Variants in NBEAL2 observed in about 807,000 individuals in gnomAD.
NBEAL2 encodes the protein neurobeachin-like protein 2.
In NBEAL2, 160 loss-of-function variants were observed where a neutral mutation model predicts 299.8. The ratio of observed to expected loss-of-function variants is 0.53; its 90% CI spans 0.47 to 0.61. NBEAL2 has a LOEUF of 0.61. Among genes scored for constraint, NBEAL2 ranks in the 20% least tolerant of loss-of-function variants. The pLI is 0.00. For synonymous variants in NBEAL2, 1,493 were observed against 1,542.3 expected, an observed-to-expected ratio of 0.97 and a Z score of 0.75; for missense variants, 3,112 against 3,649.0, an observed-to-expected ratio of 0.85 and a Z score of 3.79.
Position 47,005,098 on chromosome 3 carries a change from T to C in NBEAL2, c.6419+2T>C. ...GCATGCCCAGCTCGTGAGGGAGAAG[T>C]GAGCATGTGGGCAGGGCTGGGCTCA... On this transcript the variant is annotated splice_donor_variant, in intron 39 of 53. Transcript: ENST00000450053. LOFTEE classifies it high-confidence loss of function. 6.2e-7 allele frequency: 1 copy of C among 1,613,752 alleles called. No individual in the cohort carries two copies. Among genetic ancestry groups the C allele is most frequent in the Non-Finnish European group, 8.5e-7 (1 of 1,179,854 alleles).
chr3:47,006,767 G>T (rs552666014), intron 45 of NBEAL2, among the ~76,000 whole-genome samples: 1 of 152,064 alleles, frequency 6.6e-6, no homozygotes, highest in South Asian at 2.1e-4. Flanking sequence ...TTTTTTTTTA[G>T]GTTTCCCTCT....
chr3:46,979,840 A>G lies in NBEAL2; in HGVS notation c.-22A>G. The G allele has an allele frequency of 2.3e-6, 1 of 430,158 alleles. No homozygotes were observed. 26.6% of individuals were successfully genotyped at this position (430,158 alleles called of 1,614,324 possible). ...GAGGCGGCGACAGGTGGCGCGCAGC[A>G]GGGCCGGAGCCGGGCCGGGCCATGG... is the stretch of plus-strand genomic sequence containing the variant. On this transcript the variant is annotated 5_prime_UTR_variant, in exon 1 of 54. Coordinates refer to ENST00000450053, the MANE Select transcript of NBEAL2 (RefSeq NM_015175.3).
rs1211266954 is a variant in NBEAL2, at chr3:46,988,012, G to GC, written c.52-655dup. ...TTCACACCAAAGTTTTCCTGGCAGC[G>GC]CCTAGACCTGGGCTTAGCCACTGCC... On this transcript the variant is annotated intron_variant, in intron 1 of 53. Coordinates refer to ENST00000450053, the MANE Select transcript of NBEAL2 (RefSeq NM_015175.3). This position sits in a 1 kb window ranked among gnomAD's most constrained non-coding sequence, Gnocchi z 4.4. The GC allele has an allele frequency of 5.5e-6, 7 of 1,277,736 alleles. No individual in the cohort carries two copies. Among genetic ancestry groups the GC allele is most frequent in the Non-Finnish European group, 7.1e-6 (7 of 983,064 alleles). 79.1% of individuals were successfully genotyped at this position (1,277,736 alleles called of 1,614,324 possible). A position where few individuals can be genotyped will look rare whatever the true frequency, so the allele number is the denominator to read the frequency against.
intron 1 of NBEAL2, among the ~76,000 whole-genome samples, chr3:46,980,598 G>A: frequency 6.6e-6 from 1 of 151,974 alleles, no homozygotes; most frequent in South Asian, 2.1e-4. Flanking sequence ...GGGTCCTTGA[G>A]GCCCTGAGGG....
In NBEAL2 at chr3:47,009,481, G is replaced by T; in HGVS notation, c.*161G>T. 1 of 718,182 alleles carries T rather than the reference G, an allele frequency of 1.4e-6. No individual in the cohort carries two copies. Among genetic ancestry groups the T allele is most frequent in the Non-Finnish European group, 2.3e-6 (1 of 436,274 alleles). The allele number at this position is 718,182 out of a possible 1,614,324, so 44.5% of individuals were successfully genotyped here. A position where few individuals can be genotyped will look rare whatever the true frequency, so the allele number is the denominator to read the frequency against. On this transcript the variant is annotated 3_prime_UTR_variant, in exon 54 of 54. Transcript: ENST00000450053. The stretch of plus-strand genomic sequence containing the variant: ...TTGGCGGGCGATGTTACCCCCTCAG[G>T]GATTGGCGGGCGGAAGTCCCGCCCC...
At chr3:47,007,767 G>A (rs746376857) in intron 48 of NBEAL2, 49 bp from the exon 49 acceptor site, 4 of 1,608,612 alleles carry the variant, frequency 2.5e-6, no homozygotes, top group East Asian at 4.5e-5. Flanking sequence ...GGCTGGCCAG[G>A]GCGGATGTGA....
At position 47,001,560 on chromosome 3, in the gene NBEAL2, C is replaced by T; in HGVS notation, c.4644+122C>T. 3.9e-6 allele frequency: 6 copies of T among 1,556,184 alleles called. No homozygotes were observed. The South Asian group carries it at 4.6e-5, about 12-fold the overall frequency. On this transcript the variant is annotated intron_variant, in intron 29 of 53. Coordinates refer to ENST00000450053, the MANE Select transcript of NBEAL2 (RefSeq NM_015175.3). This position sits in a 1 kb window ranked among gnomAD's most constrained non-coding sequence, Gnocchi z 6.1. ...GGTGTGGGTGCATCAGCATGAATGC[C>T]TGTGAGTGTGGACTTGCCTGTGTGC...
chr3:46,981,693 C>T (rs2035354962), intron 1 of NBEAL2, among the ~76,000 whole-genome samples: 1 of 152,130 alleles, frequency 6.6e-6, no homozygotes, highest in Admixed American at 6.5e-5. Context: ...GCTCTAGGTG[C>T]ATGGGCAGGT....
At position 46,989,182 on chromosome 3, in the gene NBEAL2, C is replaced by T. The variant is rs1223787054; in HGVS notation, c.351+16C>T. ...GGTGGCGGAGGTGAAGTGGCCTCTA[C>T]CTTGGGGGGCAGAGGGTGTATGCAG... is the stretch of plus-strand genomic sequence containing the variant. On this transcript the variant is annotated intron_variant, in intron 4 of 53. Coordinates refer to ENST00000450053, the MANE Select transcript of NBEAL2 (RefSeq NM_015175.3). This position sits in a 1 kb window ranked among gnomAD's most constrained non-coding sequence, Gnocchi z 5.5. 11 of 1,613,736 alleles carry T rather than the reference C, an allele frequency of 6.8e-6. No individual in the cohort carries two copies. Among genetic ancestry groups the T allele is most frequent in the South Asian group, 1.1e-5 (1 of 91,044 alleles).
At position 46,982,721 on chromosome 3, in the gene NBEAL2, GC is replaced by G. The variant is rs1322777944; in HGVS notation, c.51+2810del. ...TCACCCCAGAGGAGGCTGAGTTTGG[GC>G]TTTGAAGGCTGAGAGGAAGAAACAG... On this transcript the variant is annotated intron_variant, in intron 1 of 53. Coordinates refer to ENST00000450053, the MANE Select transcript of NBEAL2 (RefSeq NM_015175.3). This position sits in a 1 kb window ranked among gnomAD's most constrained non-coding sequence, Gnocchi z 4.2. Among the ~76,000 whole-genome samples the G allele has an allele frequency of 1.3e-5, 2 of 152,204 alleles. No individual in the cohort carries two copies. The highest frequency in any genetic ancestry group is 1.3e-4 in the Admixed American group (2 of 15,280).
In NBEAL2 at chr3:46,979,707, G is replaced by C; in HGVS notation, c.-155G>C. ...GAGCAGACTTGGGTGGCTCTGCGCC[G>C]CGGAGGCCACAGCCGCAGACTTCCC... On this transcript the variant is annotated 5_prime_UTR_variant, in exon 1 of 54. Transcript: ENST00000450053. The C allele has an allele frequency of 3.2e-6, 1 of 308,670 alleles. No individual in the cohort carries two copies. Among genetic ancestry groups the C allele is most frequent in the Non-Finnish European group, 6.0e-6 (1 of 167,804 alleles). 19.1% of individuals were successfully genotyped at this position (308,670 alleles called of 1,614,324 possible). A position where few individuals can be genotyped will look rare whatever the true frequency, so the allele number is the denominator to read the frequency against.
chr3:46,979,777 A>T lies in NBEAL2; in HGVS notation c.-85A>T, dbSNP rs1435605631. On this transcript the variant is annotated 5_prime_UTR_variant, in exon 1 of 54. The change abolishes an upstream ATG in the 5' untranslated region. Transcript: ENST00000450053. Reference sequence around the variant, plus strand: ...CGCCCCGGAGTGACGCCCTCCGCCCATGGGCCTGGCCGAGGGCAACCGGCG... The same window carrying T: ...CGCCCCGGAGTGACGCCCTCCGCCCTTGGGCCTGGCCGAGGGCAACCGGCG... 2.8e-6 allele frequency: 1 copy of T among 361,216 alleles called. No homozygotes were observed. Among genetic ancestry groups the T allele is most frequent in the South Asian group, 9.8e-5 (1 of 10,224 alleles). The allele number at this position is 361,216 out of a possible 1,614,324, so 22.4% of individuals were successfully genotyped here. A position where few individuals can be genotyped will look rare whatever the true frequency, so the allele number is the denominator to read the frequency against.
chr3:46,996,757 A>G lies in NBEAL2; in HGVS notation c.2480A>G (p.Asn827Ser), dbSNP rs199550171. 33 of 1,612,188 alleles carry G rather than the reference A, an allele frequency of 2.0e-5. No homozygotes were observed. Among genetic ancestry groups the G allele is most frequent in the African/African-American group, 8.0e-5 (6 of 75,000 alleles). ...ALRTLCTLGP[N>S]ETAPFKPEGE... ...CCCCCTGCCCACCTCCCAGGGCCCA[A>G]TGAGACGGCACCCTTCAAGCCTGAG... The change falls in exon 17 of 54, where the codon AAT becomes AGT. Residue 827 changes from asparagine (N) to serine (S), a missense_variant. Around this residue, in one of 3 missense-constraint regions of NBEAL2, gnomAD observed 2,243 missense variants for 2,538.1 expected, o/e 0.88. Coordinates refer to ENST00000450053, the MANE Select transcript of NBEAL2 (RefSeq NM_015175.3).
chr3:46,996,475 G>C lies in NBEAL2; in HGVS notation c.2356G>C (p.Ala786Pro). The part of the protein sequence containing the change: ...LQEGSIDSTL[A>P]GTQDTRWGSP... ...GGAGGGCAGCATCGACTCTACCCTC[G>C]CAGGCACCCAGGACACTCGGTGGGG... Residue 786 changes from alanine (A) to proline (P), a missense_variant, in exon 16 of 54, where the codon GCA becomes CCA. By Grantham distance (27) the Ala-to-Pro change is conservative. Transcript: ENST00000450053. 6.3e-7 allele frequency: 1 copy of C among 1,598,756 alleles called. No individual in the cohort carries two copies. Among genetic ancestry groups the C allele is most frequent in the Non-Finnish European group, 8.5e-7 (1 of 1,171,990 alleles).
chr3:47,006,437 A>G lies in NBEAL2; in HGVS notation c.7122A>G (p.Ala2374=). ...TCCAGCACCTGGACGAACTCAAGGCATTCTTCGCAGAGGTGAAAGGAAGAC... is the reference window on the plus strand; with the variant it reads ...TCCAGCACCTGGACGAACTCAAGGCGTTCTTCGCAGAGGTGAAAGGAAGAC... ...SIFQHLDELK[A]FFAEVVSDGV... The change falls in exon 45 of 54, where the codon GCA becomes GCG. Residue 2374 remains alanine, a synonymous_variant. Transcript: ENST00000450053. 6.3e-7 allele frequency: 1 copy of G among 1,581,642 alleles called. No homozygotes were observed. Among genetic ancestry groups the G allele is most frequent in the Non-Finnish European group, 8.6e-7 (1 of 1,163,486 alleles).
Position 47,004,133 on chromosome 3 carries a change from C to A in NBEAL2, c.5938C>A (p.Arg1980Ser). ...LAQLREVHLR[R>S]FNLRRSALEL... ...CCAGCTGCGTGAGGTCCACCTGCGG[C>A]GTTTCAACCTGCGCCGTTCAGCACT... is the stretch of plus-strand genomic sequence containing the variant. The change falls in exon 37 of 54, where the codon CGT (arginine) becomes AGT (serine). Residue 1980 changes from arginine (R) to serine (S), a missense_variant. Arg to Ser is a moderately radical substitution (Grantham distance 110, BLOSUM62 -1). Around this residue, in one of 3 missense-constraint regions of NBEAL2, gnomAD observed 521 missense variants for 729.6 expected, o/e 0.71. Transcript: ENST00000450053. The surrounding 1 kb of genome is among the most constrained non-coding windows in gnomAD (Gnocchi z 5.0). 1.2e-6 allele frequency: 2 copies of A among 1,613,650 alleles called. No individual in the cohort carries two copies. Among genetic ancestry groups the A allele is most frequent in the Non-Finnish European group, 1.7e-6 (2 of 1,179,782 alleles).
In NBEAL2 at chr3:46,998,226, G is replaced by A. The variant is rs762580115; in HGVS notation, c.3118G>A (p.Gly1040Ser). The A allele has an allele frequency of 3.1e-6, 5 of 1,608,428 alleles. No homozygotes were observed. The highest frequency in any genetic ancestry group is 4.2e-6 in the Non-Finnish European group (5 of 1,177,666). Residue 1040 changes from glycine (G) to serine (S), a missense_variant and splice_region_variant, in exon 21 of 54, where the codon GGT becomes AGT. Around this residue, in one of 3 missense-constraint regions of NBEAL2, gnomAD observed 2,243 missense variants for 2,538.1 expected, o/e 0.88. Coordinates refer to ENST00000450053, the MANE Select transcript of NBEAL2 (RefSeq NM_015175.3). ...CCTCAGTGACTTCGCCGTGCGCCTC[G>A]GTAGGTGTGAGGACCTGAGCAAGGG... is the stretch of plus-strand genomic sequence containing the variant. ...WTLSDFAVRL[G>S]HIQYMSSIVR... is the part of the protein sequence containing the mutation.
At chr3:46,990,243 G>A (rs2035988609) in intron 6 of NBEAL2, among the ~76,000 whole-genome samples, 1 of 152,132 alleles carries the variant, frequency 6.6e-6, no homozygotes, top group Admixed American at 6.5e-5. Flanking sequence ...CTAGAGTTGG[G>A]GCAGCAACTC....
At position 47,008,641 on chromosome 3, in the gene NBEAL2, G is replaced by A. The variant is rs2037646485; in HGVS notation, c.8000G>A (p.Cys2667Tyr). ...TTTGTGTTGCTGGGCACCGCCCAGT[G>A]CGCCCTGCACATCCTCCAACTAAAC... ...EDFVLLGTAQ[C>Y]ALHILQLNTL... is the part of the protein sequence containing the mutation. The change falls in exon 52 of 54, where the codon TGC becomes TAC. Residue 2667 changes from cysteine (C) to tyrosine (Y), a missense_variant. This residue lies in a region of NBEAL2 where 348 missense variants were observed against 381.4 expected (regional missense o/e 0.91). Coordinates refer to ENST00000450053, the MANE Select transcript of NBEAL2 (RefSeq NM_015175.3). 1 of 1,613,412 alleles carries A rather than the reference G, an allele frequency of 6.2e-7. No homozygotes were observed. Among genetic ancestry groups the A allele is most frequent in the East Asian group, 2.2e-5 (1 of 44,880 alleles).
Sources: gnomAD v4.1 joint callset for allele counts (sites outside exome capture counted in the v4.1 genomes callset) on GRCh38, gnomAD v4.1.1 for gene constraint, gnomAD v4.1.1 regional missense constraint, Gnocchi (gnomAD v3.1) non-coding constraint, MANE v1.5 for transcripts, NCBI Gene and HGNC (gene_info 2026-07-23, HGNC 2026-07-21) for gene names.